The following GLI3 variants were observed in gnomAD, a reference collection of about 807,000 sequenced individuals.
The protein encoded by GLI3 is GLI family zinc finger 3, also known as transcription activator GLI3.
In GLI3, 20 loss-of-function variants were observed where a neutral mutation model predicts 100.8. The ratio of observed to expected loss-of-function variants is 0.20; its 90% CI spans 0.14 to 0.29. The LOEUF (loss-of-function observed/expected upper bound fraction) is 0.29, where lower values mean the gene tolerates loss of function less well. Among genes scored for constraint, GLI3 ranks in the 10% least tolerant of loss-of-function variants. GLI3 has a pLI of 1.00. For synonymous variants in GLI3, 938 were observed against 860.5 expected (o/e 1.09, Z -1.58); for missense variants, 2,040 against 2,128.5 (o/e 0.96, Z 0.82).
intron 2 of GLI3, among the ~76,000 whole-genome samples, chr7:42,149,556 C>G (rs908834714): frequency 6.6e-6 from 1 of 152,178 alleles, no homozygotes; most frequent in African/African-American, 2.4e-5. Flanking sequence ...AAACAAGTTC[C>G]ACATTTAATC....
intron 1 of GLI3, among the ~76,000 whole-genome samples, chr7:42,261,200 A>AACACAC (rs10524898): frequency 4.7e-5 from 7 of 147,442 alleles, no homozygotes; most frequent in Admixed American, 1.4e-4. Flanking sequence ...CACACACACA[A>AACACAC]ACACACACAC....
At chr7:42,083,296 T>C (rs1785034937) in intron 3 of GLI3, among the ~76,000 whole-genome samples, 1 of 152,220 alleles carries the variant, frequency 6.6e-6, no homozygotes. Context: ...GATCAAGTTC[T>C]TTCTGCACCT....
chr7:42,199,987 C>T (rs1010193794), intron 2 of GLI3, among the ~76,000 whole-genome samples: 15 of 152,096 alleles, frequency 9.9e-5, no homozygotes, highest in East Asian at 1.9e-4. Flanking sequence ...ATCCGGGAGG[C>T]GGAGGTTGCA....
intron 3 of GLI3, among the ~76,000 whole-genome samples, chr7:42,137,929 C>T (rs1365512370): frequency 6.6e-6 from 1 of 152,176 alleles, no homozygotes; most frequent in African/African-American, 2.4e-5. Context: ...ATATCTCATT[C>T]TATATATGCA....
chr7:42,216,714 C>A (rs996314772), intron 2 of GLI3, among the ~76,000 whole-genome samples: 3 of 152,122 alleles, frequency 2.0e-5, no homozygotes, highest in Admixed American at 1.3e-4. Context: ...TAAGCTAGTT[C>A]CCCAAAGGAC....
intron 2 of GLI3, among the ~76,000 whole-genome samples, chr7:42,184,832 A>G (rs1361253400): frequency 6.6e-6 from 1 of 151,424 alleles, no homozygotes; most frequent in African/African-American, 2.4e-5. Flanking sequence ...ACTTGGGACA[A>G]CTCTTACTCC....
chr7:42,246,805 C>CTTTTTTTTT lies in GLI3; in HGVS notation c.-43+17180_-43+17188dup, dbSNP rs71006467. On this transcript the variant is annotated intron_variant, in intron 1 of 2. Transcript: ENST00000678978. ...TTAAAGGCTCATTGGATGATAGAAT[C>CTTTTTTTTT]TTTTTTTTTTTTTTTTTTTTTTTTT... 1.2e-3 allele frequency among the ~76,000 whole-genome samples: 117 copies of CTTTTTTTTT among 94,958 alleles called. 15 individuals are homozygous for CTTTTTTTTT. The highest frequency in any genetic ancestry group is 1.3e-3 in the Non-Finnish European group (63 of 49,214). 62.3% of individuals were successfully genotyped at this position (94,958 alleles called of 152,430 possible). A position where few individuals can be genotyped will look rare whatever the true frequency, so the allele number is the denominator to read the frequency against.
intron 10 of GLI3, among the ~76,000 whole-genome samples, chr7:41,998,366 G>T (rs1289856007): frequency 6.6e-6 from 1 of 152,310 alleles, no homozygotes; most frequent in Non-Finnish European, 1.5e-5. Flanking sequence ...CAGAAAGCCT[G>T]TAAAAACCAT....
chr7:42,186,991 C>T (rs1424210637), intron 2 of GLI3, among the ~76,000 whole-genome samples: 2 of 151,600 alleles, frequency 1.3e-5, no homozygotes, highest in African/African-American at 2.4e-5. Flanking sequence ...AGGAGGATTG[C>T]TTGAGCTCAG....
intron 2 of GLI3, among the ~76,000 whole-genome samples, chr7:42,204,979 A>T (rs941017128): frequency 1.3e-5 from 2 of 152,166 alleles, no homozygotes; most frequent in Non-Finnish European, 2.9e-5. Flanking sequence ...TAAAATTTGG[A>T]GAATAAACAA....
At chr7:42,181,631 C>T (rs573659451) in intron 2 of GLI3, among the ~76,000 whole-genome samples, 1 of 152,044 alleles carries the variant, frequency 6.6e-6, no homozygotes, top group Non-Finnish European at 1.5e-5. Flanking sequence ...ACAACAAAAA[C>T]AAAAACAAAA....
At chr7:42,062,974 C>T (rs1784601794) in intron 4 of GLI3, among the ~76,000 whole-genome samples, 1 of 152,108 alleles carries the variant, frequency 6.6e-6, no homozygotes, top group African/African-American at 2.4e-5. Flanking sequence ...ATAAAGGAGG[C>T]TTCTGTCAAG....
chr7:42,113,657 A>C (rs1785773062), intron 3 of GLI3: 1 of 805,608 alleles, frequency 1.2e-6, no homozygotes, highest in East Asian at 2.5e-5. Context: ...TGTACTTCTG[A>C]TGACTGTACA....
chr7:42,173,695 G>T (rs1260800690), intron 2 of GLI3, among the ~76,000 whole-genome samples: 1 of 152,112 alleles, frequency 6.6e-6, no homozygotes, highest in Non-Finnish European at 1.5e-5. Flanking sequence ...GAAGCTCAGA[G>T]AACTCTTTGG....
chr7:42,046,002 A>C lies in GLI3; in HGVS notation c.680-472T>G, dbSNP rs78608782. ...TCACTCACATGAAAAGTCAGGGTTT[A>C]CCAGTATGAAAAAAGGCAGCACAGC... On this transcript the variant is annotated intron_variant, in intron 5 of 14. Transcript: ENST00000395925. Among the ~76,000 whole-genome samples the C allele has an allele frequency of 6.9e-3, 1,053 of 152,338 alleles. 15 individuals carry two copies. Among genetic ancestry groups the C allele is most frequent in the African/African-American group, 0.023 (962 of 41,578 alleles).
intron 10 of GLI3, among the ~76,000 whole-genome samples, chr7:41,997,853 T>C (rs754743517): frequency 1.3e-4 from 20 of 152,136 alleles, no homozygotes; most frequent in Admixed American, 3.3e-4. Flanking sequence ...TTTCCTCATA[T>C]TTCATTGTAG....
Position 42,223,237 on chromosome 7 carries a change from T to C in GLI3, c.17A>G (p.His6Arg). The C allele has an allele frequency of 6.2e-7, 1 of 1,613,588 alleles. No individual in the cohort carries two copies. The highest frequency in any genetic ancestry group is 8.5e-7 in the Non-Finnish European group (1 of 1,179,710). The change falls in exon 2 of 15, where the codon CAC becomes CGC. Residue 6 changes from histidine to arginine, a missense_variant. His to Arg is a conservative substitution (Grantham distance 29, BLOSUM62 0). This residue lies in a region of GLI3 where 603 missense variants were observed against 690.9 expected (regional missense o/e 0.87). Coordinates refer to ENST00000395925, the MANE Select transcript of GLI3 (RefSeq NM_000168.6). The part of the protein sequence containing the change: MEAQS[H>R]SSTTTEKKKV... ...TTTCTTTTCAGTGGTCGTGGAGCTG[T>C]GGGACTGGGCCTCCATGATGTCTTC...
chr7:41,987,735 A>T (rs1252516175), intron 10 of GLI3, among the ~76,000 whole-genome samples: 2 of 152,242 alleles, frequency 1.3e-5, no homozygotes, highest in African/African-American at 4.8e-5. Context: ...AATCCATGAT[A>T]TATTCTAAAA....
At chr7:42,002,778 A>T (rs552313075) in intron 10 of GLI3, among the ~76,000 whole-genome samples, 2 of 152,344 alleles carry the variant, frequency 1.3e-5, no homozygotes, top group South Asian at 4.1e-4. Context: ...ACAGTTTGTA[A>T]GAAGCCAACT....
Sources: gnomAD v4.1 joint callset for allele counts (sites outside exome capture counted in the v4.1 genomes callset) on GRCh38, gnomAD v4.1.1 for gene constraint, gnomAD v4.1.1 regional missense constraint, MANE v1.5 for transcripts, NCBI Gene and HGNC (gene_info 2026-07-23, HGNC 2026-07-21) for gene names.